The following MEI4 variants were observed in gnomAD, a reference collection of about 807,000 sequenced individuals.
The protein encoded by MEI4 is meiosis-specific protein MEI4.
In MEI4, 27 loss-of-function variants were observed where a neutral mutation model predicts 31.4. That is an observed-to-expected ratio of 0.86 (90% CI 0.63 to 1.19). The LOEUF is 1.19. Ranked by LOEUF, MEI4 falls within the 50% of genes most tolerant of loss-of-function variation. MEI4 has a pLI of 0.00. For synonymous variants in MEI4, 122 were observed against 145.4 expected (o/e 0.84, Z 1.16); for missense variants, 329 against 398.9 (o/e 0.82, Z 1.49).
intron 3 of MEI4, among the ~76,000 whole-genome samples, chr6:77,800,210 CATACCTTGTAAGTTGGATTCCTAGGT>C (rs763617377): frequency 3.3e-4 from 50 of 152,100 alleles, no homozygotes; most frequent in Non-Finnish European, 1.8e-4. Flanking sequence ...AGGTCTTTCA[CATACCTTGTAAGTTGGATTCCTAGGT>C]ATTTTATTCT....
chr6:77,755,825 G>GGTGTGTGTGTGTGTGTGTGT (rs34181852), intron 2 of MEI4, among the ~76,000 whole-genome samples: 295 of 145,256 alleles, frequency 2.0e-3, no homozygotes, highest in African/African-American at 6.7e-3. Context: ...GTGCTGGAAT[G>GGTGTGTGTGTGTGTGTGTGT]GTGTGTGTGT....
chr6:77,731,181 T>C (rs1766978385), intron 2 of MEI4, among the ~76,000 whole-genome samples: 1 of 151,320 alleles, frequency 6.6e-6, no homozygotes. Flanking sequence ...TTTCTAGTTC[T>C]AGATCCCTGA....
intron 4 of MEI4, among the ~76,000 whole-genome samples, chr6:77,865,142 A>C (rs1447341197): frequency 6.6e-6 from 1 of 152,206 alleles, no homozygotes; most frequent in Non-Finnish European, 1.5e-5. Flanking sequence ...AAGATCTAAA[A>C]TTGACACCCT....
At chr6:77,748,027 C>G (rs1767661193) in intron 2 of MEI4, among the ~76,000 whole-genome samples, 2 of 152,212 alleles carry the variant, frequency 1.3e-5, no homozygotes, top group African/African-American at 2.4e-5. Flanking sequence ...CTCGCATCTG[C>G]TGATGCAAGG....
At chr6:77,889,122 T>G (rs1312623192) in intron 4 of MEI4, among the ~76,000 whole-genome samples, 1 of 151,978 alleles carries the variant, frequency 6.6e-6, no homozygotes, top group Non-Finnish European at 1.5e-5. Context: ...CCACAGAGAG[T>G]GGGATGCTGT....
At chr6:77,772,836 A>C (rs778015800) in intron 3 of MEI4, among the ~76,000 whole-genome samples, 3 of 152,020 alleles carry the variant, frequency 2.0e-5, no homozygotes, top group Non-Finnish European at 2.9e-5. Context: ...AAGAACTGAA[A>C]ACAAATTTAG....
chr6:77,873,528 C>A (rs144537909), intron 4 of MEI4, among the ~76,000 whole-genome samples: 24 of 152,088 alleles, frequency 1.6e-4, no homozygotes, highest in Non-Finnish European at 2.9e-5. Context: ...GAGTACGTTG[C>A]GAAAATTTTC....
Position 77,761,509 on chromosome 6 carries a change from T to G in MEI4, c.612T>G (p.Pro204=). ...LITFYRNPKL[P]FSRFWTEAVG... ...CTTTTTACCGTAATCCCAAACTTCC[T>G]TTTTCAAGATTTTGGACAGAAGCTG... The change falls in exon 3 of 5, where the codon CCT becomes CCG. Residue 204 remains proline (P), a synonymous_variant. Transcript: ENST00000684080. 1 of 1,232,152 alleles carries G rather than the reference T, an allele frequency of 8.1e-7. No individual in the cohort carries two copies. The highest frequency in any genetic ancestry group is 1.0e-6 in the Non-Finnish European group (1 of 987,928). 76.3% of individuals were successfully genotyped at this position (1,232,152 alleles called of 1,614,324 possible).
chr6:77,892,296 T>C (rs1034279072), intron 4 of MEI4, among the ~76,000 whole-genome samples: 6 of 152,064 alleles, frequency 3.9e-5, no homozygotes, highest in Non-Finnish European at 8.8e-5. Context: ...GTGCTGCCAG[T>C]GGTGGTAAGG....
chr6:77,921,756 G>T (rs764331231), intron 4 of MEI4, among the ~76,000 whole-genome samples: 2 of 151,760 alleles, frequency 1.3e-5, no homozygotes, highest in African/African-American at 4.8e-5. Flanking sequence ...GAATAAGGAG[G>T]CCTAAGGAGA....
intron 1 of MEI4, among the ~76,000 whole-genome samples, chr6:77,679,955 G>A (rs936599506): frequency 6.6e-6 from 1 of 150,984 alleles, no homozygotes; most frequent in Non-Finnish European, 1.5e-5. Context: ...TGGTCAGGCT[G>A]GTCCGCAACT....
intron 4 of MEI4, among the ~76,000 whole-genome samples, chr6:77,914,983 T>TG (rs963638524): frequency 1.3e-5 from 2 of 152,010 alleles, no homozygotes; most frequent in African/African-American, 2.4e-5. Flanking sequence ...CAGCATATAG[T>TG]GGGGTTATGT....
In MEI4 at chr6:77,730,827, T is replaced by A. The variant is rs528752059; in HGVS notation, c.233-30303T>A. Among the ~76,000 whole-genome samples the A allele has an allele frequency of 3.7e-4, 51 of 138,694 alleles. No homozygotes were observed. The East Asian group carries it at 3.8e-3, about 10-fold the overall frequency. 91.0% of individuals were successfully genotyped at this position (138,694 alleles called of 152,430 possible). ...AGAGTGTGATGTTCCCCTTCCTGTGTCCCTGTGTTCTCATTGTTCAATTCC... is the reference window on the plus strand; with the variant it reads ...AGAGTGTGATGTTCCCCTTCCTGTGACCCTGTGTTCTCATTGTTCAATTCC... On this transcript the variant is annotated intron_variant, in intron 2 of 4. Coordinates refer to ENST00000684080, the MANE Select transcript of MEI4 (RefSeq NM_001322247.2).
chr6:77,864,056 GC>G (rs1294213702), intron 4 of MEI4, among the ~76,000 whole-genome samples: 1 of 152,124 alleles, frequency 6.6e-6, no homozygotes, highest in African/African-American at 2.4e-5. Flanking sequence ...CACCAGGCCT[GC>G]CCTAAAAGAG....
intron 3 of MEI4, among the ~76,000 whole-genome samples, chr6:77,823,533 A>C (rs1769876934): frequency 2.0e-5 from 3 of 152,174 alleles, no homozygotes; most frequent in African/African-American, 7.2e-5. Flanking sequence ...ATACGTTAAT[A>C]GCTATGGTTG....
At chr6:77,910,700 G>T (rs12189558) in intron 4 of MEI4, among the ~76,000 whole-genome samples, 1 of 151,868 alleles carries the variant, frequency 6.6e-6, no homozygotes, top group African/African-American at 2.4e-5. Flanking sequence ...TTGGGTATTG[G>T]CTATTGTGAA....
chr6:77,904,445 A>G (rs1766249104), intron 4 of MEI4, among the ~76,000 whole-genome samples: 1 of 151,988 alleles, frequency 6.6e-6, no homozygotes. Context: ...TAGTTTTGCA[A>G]TCCTCACTCT....
chr6:77,874,407 G>T (rs1237146679), intron 4 of MEI4, among the ~76,000 whole-genome samples: 1 of 152,128 alleles, frequency 6.6e-6, no homozygotes, highest in East Asian at 1.9e-4. Flanking sequence ...CTCTCTGTTT[G>T]TCTGTTATTG....
intron 3 of MEI4, among the ~76,000 whole-genome samples, chr6:77,798,101 T>C (rs551171088): frequency 6.6e-6 from 1 of 152,092 alleles, no homozygotes; most frequent in Non-Finnish European, 1.5e-5. Context: ...CAGTACTTAC[T>C]TGAAGGCTAT....
Sources: allele counts gnomAD v4.1 joint callset (sites outside exome capture counted in the v4.1 genomes callset), GRCh38; gene constraint gnomAD v4.1.1; transcripts MANE v1.5; gene names NCBI Gene and HGNC (gene_info 2026-07-23, HGNC 2026-07-21).